Variants in PIBF1 observed in about 807,000 individuals in gnomAD.
The protein encoded by PIBF1 is progesterone-induced-blocking factor 1.
In PIBF1, 90 loss-of-function variants were observed where a neutral mutation model predicts 112.5. That is an observed-to-expected ratio of 0.80 (90% CI 0.67 to 0.95). The LOEUF (loss-of-function observed/expected upper bound fraction) is 0.95. Among genes scored for constraint, PIBF1 ranks in the 40% least tolerant of loss-of-function variants. The probability of loss-of-function intolerance (pLI) is 0.00; values close to 1 mark genes in which losing one functional copy is unlikely to be tolerated. For missense variants in PIBF1, 915 were observed against 852.3 expected (o/e 1.07, Z -0.92); for synonymous variants, 301 against 288.6 (o/e 1.04, Z -0.44).
chr13:72,993,965 A>C (rs1420921732), intron 16 of PIBF1, among the ~76,000 whole-genome samples: 3 of 152,034 alleles, frequency 2.0e-5, no homozygotes, highest in African/African-American at 7.2e-5. Flanking sequence ...TTAAAAAGTT[A>C]ACTGGGGACA....
chr13:72,978,584 C>T (rs1419724492), intron 16 of PIBF1, among the ~76,000 whole-genome samples: 1 of 151,900 alleles, frequency 6.6e-6, no homozygotes, highest in Non-Finnish European at 1.5e-5. Context: ...AATGTGTTTC[C>T]TTTTTGTCTT....
rs186390871 is a variant in PIBF1 at position 73,013,024 on chromosome 13, G to A, written c.2224-2845G>A. ...ATTTAATGAAAATATTAGAAGGGCC[G>A]GGCGCGGTGGCTCACGCCTGTAATC... On this transcript the variant is annotated intron_variant, in intron 17 of 17. Coordinates refer to ENST00000326291, the MANE Select transcript of PIBF1 (RefSeq NM_006346.4). Among the ~76,000 whole-genome samples, 1,053 of 151,920 alleles carry A rather than the reference G, an allele frequency of 6.9e-3. 16 individuals carry two copies. Among genetic ancestry groups the A allele is most frequent in the African/African-American group, 0.023 (952 of 41,472 alleles).
At chr13:72,953,815 G>T (rs1047591853) in intron 14 of PIBF1, among the ~76,000 whole-genome samples, 2 of 152,176 alleles carry the variant, frequency 1.3e-5, no homozygotes, top group African/African-American at 4.8e-5. Context: ...AGAGTACCAG[G>T]TGCGGTGGTA....
chr13:72,848,768 C>G (rs1203665704), intron 9 of PIBF1, among the ~76,000 whole-genome samples: 2 of 151,118 alleles, frequency 1.3e-5, no homozygotes, highest in Non-Finnish European at 2.9e-5. Flanking sequence ...GGAAGCGGAG[C>G]TTGCAGTGAG....
chr13:72,893,407 G>C (rs1262636466), intron 10 of PIBF1, among the ~76,000 whole-genome samples: 2 of 151,950 alleles, frequency 1.3e-5, no homozygotes, highest in Non-Finnish European at 2.9e-5. Flanking sequence ...ACATTATTTA[G>C]ACTTAGGATG....
chr13:72,976,862 A>G (rs1241800858), intron 16 of PIBF1, among the ~76,000 whole-genome samples: 1 of 151,506 alleles, frequency 6.6e-6, no homozygotes, highest in African/African-American at 2.4e-5. Context: ...AATAATTCTG[A>G]TTTTTTTTTG....
At chr13:72,896,258 A>G (rs1232264473) in intron 11 of PIBF1, among the ~76,000 whole-genome samples, 1 of 152,190 alleles carries the variant, frequency 6.6e-6, no homozygotes, top group Non-Finnish European at 1.5e-5. Context: ...GGGGTAGGGT[A>G]CTACATCAAG....
chr13:72,790,909 AAG>A (rs1272206031), intron 2 of PIBF1, among the ~76,000 whole-genome samples: 2 of 152,226 alleles, frequency 1.3e-5, no homozygotes, highest in African/African-American at 4.8e-5. Context: ...TGCTATAGCA[AAG>A]AGAATGATGT....
At chr13:72,789,568 A>G (rs537128330) in intron 2 of PIBF1, among the ~76,000 whole-genome samples, 1 of 152,228 alleles carries the variant, frequency 6.6e-6, no homozygotes, top group East Asian at 1.9e-4. Context: ...TGGGAAATGA[A>G]TACATTTCCC....
intron 10 of PIBF1, among the ~76,000 whole-genome samples, chr13:72,855,180 T>A (rs2038359812): frequency 1.3e-5 from 2 of 152,308 alleles, no homozygotes; most frequent in East Asian, 3.9e-4. Flanking sequence ...ACCAGATTAA[T>A]TTGAGGTATA....
chr13:72,866,327 C>T (rs927034564), intron 10 of PIBF1, among the ~76,000 whole-genome samples: 25 of 152,258 alleles, frequency 1.6e-4, no homozygotes, highest in Admixed American at 1.1e-3. Flanking sequence ...GGGTTGGGGG[C>T]ACCATTCAAC....
chr13:72,902,416 T>TAA (rs533865004), intron 11 of PIBF1, among the ~76,000 whole-genome samples: 4 of 143,176 alleles, frequency 2.8e-5, no homozygotes, highest in African/African-American at 2.6e-5. Flanking sequence ...TGTGTGGCTT[T>TAA]AAAAAAAAAA....
Position 72,908,593 on chromosome 13 carries a change from A to C in PIBF1, c.1551A>C (p.Gln517His). 1.9e-6 allele frequency: 3 copies of C among 1,613,194 alleles called. No individual in the cohort carries two copies. The highest frequency in any genetic ancestry group is 2.5e-6 in the Non-Finnish European group (3 of 1,179,248). ...ASSEKRITEL[Q>H]AQNSEHQARL... ...CTGAAAAACGCATTACTGAACTTCA[A>C]GCACAGAACTCAGAGCATCAAGCAA... Residue 517 changes from glutamine (Q) to histidine (H), a missense_variant, in exon 12 of 18, where the codon CAA (glutamine) becomes CAC (histidine). Transcript: ENST00000326291.
chr13:72,818,524 C>A (rs940953230), intron 5 of PIBF1, among the ~76,000 whole-genome samples: 1 of 152,106 alleles, frequency 6.6e-6, no homozygotes, highest in Non-Finnish European at 1.5e-5. Flanking sequence ...TCACTTTCAT[C>A]CACTAAACAT....
intron 10 of PIBF1, among the ~76,000 whole-genome samples, chr13:72,886,403 C>T (rs2039854315): frequency 6.6e-6 from 1 of 150,754 alleles, no homozygotes; most frequent in African/African-American, 2.4e-5. Context: ...GGAAAACAGA[C>T]CCAATCAGAC....
intron 10 of PIBF1, among the ~76,000 whole-genome samples, chr13:72,889,197 T>C (rs930730131): frequency 6.6e-6 from 1 of 152,208 alleles, no homozygotes; most frequent in Non-Finnish European, 1.5e-5. Flanking sequence ...TATAAACAGC[T>C]TATCCTTATA....
At chr13:72,802,667 A>C (rs746980868) in intron 5 of PIBF1, among the ~76,000 whole-genome samples, 15 of 151,966 alleles carry the variant, frequency 9.9e-5, no homozygotes, top group Non-Finnish European at 1.6e-4. Flanking sequence ...TGTGGATCTT[A>C]GACATGTTGA....
At chr13:72,945,963 T>C (rs1329381159) in intron 14 of PIBF1, among the ~76,000 whole-genome samples, 2 of 152,142 alleles carry the variant, frequency 1.3e-5, no homozygotes, top group African/African-American at 4.8e-5. Flanking sequence ...TTAACTGGAC[T>C]TTCCAGAACA....
chr13:72,896,508 G>C (rs2040286619), intron 11 of PIBF1, among the ~76,000 whole-genome samples: 1 of 152,110 alleles, frequency 6.6e-6, no homozygotes, highest in Non-Finnish European at 1.5e-5. Flanking sequence ...TAGTAAGGGA[G>C]GAACCAGAGA....
Sources: gnomAD v4.1 joint callset for allele counts (sites outside exome capture counted in the v4.1 genomes callset) on GRCh38, gnomAD v4.1.1 for gene constraint, MANE v1.5 for transcripts, NCBI Gene and HGNC (gene_info 2026-07-23, HGNC 2026-07-21) for gene names.